The following CAMK1D variants were observed in gnomAD, a reference collection of about 807,000 sequenced individuals.
The protein encoded by CAMK1D is calcium/calmodulin-dependent protein kinase type 1D.
CAMK1D carries 9 observed loss-of-function variants against 47.7 expected under a neutral mutation model. The ratio of observed to expected loss-of-function variants is 0.19; its 90% CI spans 0.11 to 0.33. CAMK1D has a LOEUF of 0.33. Ranked by LOEUF, CAMK1D falls within the 10% of genes least tolerant of loss-of-function variation. The pLI, the probability that CAMK1D is intolerant of heterozygous loss-of-function variation, is 1.00. For missense variants in CAMK1D, 291 were observed against 488.7 expected (o/e 0.60, Z 3.81); for synonymous variants, 184 against 184.9 (o/e 0.99, Z 0.04).
intron 1 of CAMK1D, among the ~76,000 whole-genome samples, chr10:12,538,509 G>A (rs1489653453): frequency 2.6e-5 from 4 of 152,170 alleles, no homozygotes; most frequent in East Asian, 1.9e-4. Context: ...TGTATGGCAC[G>A]TGGGACAGTG....
intron 2 of CAMK1D, among the ~76,000 whole-genome samples, chr10:12,661,106 T>C (rs1488872240): frequency 2.0e-5 from 3 of 152,240 alleles, no homozygotes; most frequent in African/African-American, 7.2e-5. Context: ...TTTTTCTGAT[T>C]CTGTCTGACC....
chr10:12,680,911 CACTGTAGCTCAGGCCTCACGCTCTGT>C (rs1362074191), intron 3 of CAMK1D, among the ~76,000 whole-genome samples: 1 of 151,720 alleles, frequency 6.6e-6, no homozygotes, highest in Non-Finnish European at 1.5e-5. Context: ...ATCTTTACTC[CACTGTAGCTCAGGCCTCACGCTCTGT>C]TCCTGGCCTG....
chr10:12,630,395 A>G (rs1233774529), intron 2 of CAMK1D, among the ~76,000 whole-genome samples: 1 of 149,374 alleles, frequency 6.7e-6, no homozygotes, highest in Non-Finnish European at 1.5e-5. Context: ...TTTTAAAAAA[A>G]AGACAGGATC....
At chr10:12,423,192 C>T (rs534053177) in intron 1 of CAMK1D, among the ~76,000 whole-genome samples, 75 of 152,174 alleles carry the variant, frequency 4.9e-4, no homozygotes, top group Non-Finnish European at 9.3e-4. Flanking sequence ...TAATATTATA[C>T]GGGTGACCAC....
At chr10:12,611,609 T>TTTTTTTTTTTTTTTTTTTTTTG (rs1554796845) in intron 2 of CAMK1D, among the ~76,000 whole-genome samples, 5 of 124,710 alleles carry the variant, frequency 4.0e-5, no homozygotes, top group Non-Finnish European at 8.3e-5. Flanking sequence ...TTTTTTTTTT[T>TTTTTTTTTTTTTTTTTTTTTTG]GAGACAGAGT....
chr10:12,800,411 C>T (rs1477350330), intron 6 of CAMK1D, among the ~76,000 whole-genome samples: 3 of 152,194 alleles, frequency 2.0e-5, no homozygotes, highest in Non-Finnish European at 4.4e-5. Flanking sequence ...CAGATTTCTT[C>T]CTACAGGATG....
At chr10:12,798,665 TA>T (rs1282585887) in intron 6 of CAMK1D, among the ~76,000 whole-genome samples, 13 of 152,306 alleles carry the variant, frequency 8.5e-5, no homozygotes, top group Admixed American at 2.6e-4. Flanking sequence ...CTCAATTATC[TA>T]AAGATAAAAT....
At chr10:12,550,489 G>A (rs1836542081) in intron 1 of CAMK1D, among the ~76,000 whole-genome samples, 1 of 152,192 alleles carries the variant, frequency 6.6e-6, no homozygotes, top group South Asian at 2.1e-4. Flanking sequence ...AGGAGGGATG[G>A]TGCGTGGGCT....
intron 3 of CAMK1D, among the ~76,000 whole-genome samples, chr10:12,728,967 CTG>C (rs1482872327): frequency 6.6e-6 from 1 of 152,180 alleles, no homozygotes; most frequent in Non-Finnish European, 1.5e-5. Flanking sequence ...ACTACTAACT[CTG>C]TAACAAGAGG....
chr10:12,685,978 C>G (rs985213115), intron 3 of CAMK1D, among the ~76,000 whole-genome samples: 16 of 152,176 alleles, frequency 1.1e-4, no homozygotes, highest in African/African-American at 3.9e-4. Context: ...TCTGCTATGG[C>G]CCAGAGAGCT....
At chr10:12,801,472 A>G (rs1423146945) in intron 6 of CAMK1D, among the ~76,000 whole-genome samples, 1 of 150,456 alleles carries the variant, frequency 6.6e-6, no homozygotes, top group Non-Finnish European at 1.5e-5. Context: ...TCCGTCATCT[A>G]TCTATCCATT....
chr10:12,439,882 G>T (rs1257632229), intron 1 of CAMK1D, among the ~76,000 whole-genome samples: 3 of 152,168 alleles, frequency 2.0e-5, no homozygotes, highest in Non-Finnish European at 2.9e-5. Flanking sequence ...AAGGCAAAAG[G>T]CACATCTTAC....
intron 2 of CAMK1D, among the ~76,000 whole-genome samples, chr10:12,610,118 C>T (rs1838577246): frequency 6.6e-6 from 1 of 152,112 alleles, no homozygotes; most frequent in African/African-American, 2.4e-5. Flanking sequence ...TAAAGACTTT[C>T]TATGTGACTA....
intron 1 of CAMK1D, among the ~76,000 whole-genome samples, chr10:12,520,866 C>T (rs1238461172): frequency 2.9e-5 from 1 of 34,104 alleles, no homozygotes; most frequent in Non-Finnish European, 6.1e-5. Context: ...TGCAGTGAGC[C>T]GAGATGGCAG....
intron 1 of CAMK1D, among the ~76,000 whole-genome samples, chr10:12,466,926 T>A (rs1198172288): frequency 6.6e-6 from 1 of 152,088 alleles, no homozygotes; most frequent in African/African-American, 2.4e-5. Flanking sequence ...TTTGCTTGTT[T>A]AAAATCTCTG....
intron 1 of CAMK1D, chr10:12,456,567 A>G (rs932091562): frequency 2.0e-5 from 3 of 152,130 alleles, no homozygotes; most frequent in African/African-American, 4.8e-5. Flanking sequence ...ACACATATAC[A>G]TTTAAAGTAT....
In CAMK1D at chr10:12,751,081, GATA is replaced by G. The variant is rs1835937819; in HGVS notation, c.300-9865_300-9863del. Reference sequence around the variant, plus strand: ...GATAAGATAAGATAAGATAAGATAAGATAAGATAAGATAAGATAAGATAAGATA... The same window carrying G: ...GATAAGATAAGATAAGATAAGATAAGAGATAAGATAAGATAAGATAAGATA... On this transcript the variant is annotated intron_variant, in intron 3 of 10. Transcript: ENST00000619168. 1.1e-3 allele frequency among the ~76,000 whole-genome samples: 70 copies of G among 61,812 alleles called. 1 individual carries two copies. The East Asian group carries it at 0.035, about 31-fold the overall frequency. 40.6% of individuals were successfully genotyped at this position (61,812 alleles called of 152,430 possible). A position where few individuals can be genotyped will look rare whatever the true frequency, so the allele number is the denominator to read the frequency against.
intron 3 of CAMK1D, among the ~76,000 whole-genome samples, chr10:12,669,809 AT>A: frequency 6.6e-6 from 1 of 152,124 alleles, no homozygotes; most frequent in African/African-American, 2.4e-5. Flanking sequence ...TGTCTGGCTT[AT>A]TTCACTCATC....
At chr10:12,392,708 A>G (rs1437680775) in intron 1 of CAMK1D, among the ~76,000 whole-genome samples, 7 of 152,188 alleles carry the variant, frequency 4.6e-5, no homozygotes, top group Admixed American at 3.9e-4. Context: ...ATACATTGTT[A>G]TTGAGCATAG....
Sources: gnomAD v4.1 joint callset for allele counts (sites outside exome capture counted in the v4.1 genomes callset) on GRCh38, gnomAD v4.1.1 for gene constraint, MANE v1.5 for transcripts, NCBI Gene and HGNC (gene_info 2026-07-23, HGNC 2026-07-21) for gene names.